The following ENTHD1 variants were observed in gnomAD, a reference collection of about 807,000 sequenced individuals.
ENTHD1 encodes the protein ENTH domain containing 1.
In ENTHD1, 23 loss-of-function variants were observed where a neutral mutation model predicts 39.1. The observed-to-expected ratio is 0.59, with a 90% CI of 0.42 to 0.83. The LOEUF (loss-of-function observed/expected upper bound fraction) is 0.83, where lower values mean the gene tolerates loss of function less well. Among genes scored for constraint, ENTHD1 ranks in the 40% least tolerant of loss-of-function variants. The probability of loss-of-function intolerance (pLI) is 0.00; values close to 1 mark genes in which losing one functional copy is unlikely to be tolerated. For synonymous variants in ENTHD1, 230 were observed against 258.2 expected (o/e 0.89, Z 1.05); for missense variants, 624 against 705.4 (o/e 0.88, Z 1.31).
intron 2 of ENTHD1, among the ~76,000 whole-genome samples, chr22:39,877,231 G>A (rs183500747): frequency 3.5e-4 from 53 of 152,240 alleles, no homozygotes; most frequent in Middle Eastern, 6.8e-3. Context: ...ATTAGTGAAG[G>A]ATTTTTAAAG....
intron 2 of ENTHD1, among the ~76,000 whole-genome samples, chr22:39,875,015 G>T (rs1054063267): frequency 6.6e-6 from 1 of 152,100 alleles, no homozygotes; most frequent in African/African-American, 2.4e-5. Context: ...AATGCATATC[G>T]CACAGGAATG....
At chr22:39,744,541 T>C (rs2065088745) in intron 6 of ENTHD1, among the ~76,000 whole-genome samples, 1 of 149,020 alleles carries the variant, frequency 6.7e-6, no homozygotes, top group Non-Finnish European at 1.5e-5. Flanking sequence ...TCTTGACTCA[T>C]CTTGACTCAA....
Position 39,835,890 on chromosome 22 carries a change from A to C in ENTHD1, c.661T>G (p.Leu221Val). 6.2e-7 allele frequency: 1 copy of C among 1,609,394 alleles called. No individual in the cohort carries two copies. ...TTGAGTGGAAGTGTTTCCTGGGACAACATAGTTTCTGTAGGCAAATGAACA... is the reference window on the plus strand; with the variant it reads ...TTGAGTGGAAGTGTTTCCTGGGACACCATAGTTTCTGTAGGCAAATGAACA... ...QDVHLPTETM[L>V]SQETLPLKIH... Residue 221 changes from leucine to valine, a missense_variant, in exon 4 of 7, where the codon TTG becomes GTG. By Grantham distance (32) the Leu-to-Val change is conservative. Transcript: ENST00000325157.
chr22:39,776,669 T>C (rs145221714), intron 5 of ENTHD1, among the ~76,000 whole-genome samples: 2 of 152,268 alleles, frequency 1.3e-5, no homozygotes, highest in African/African-American at 4.8e-5. Context: ...TGAAAATGAC[T>C]GAAGTAGGAA....
At chr22:39,823,647 C>G (rs1239173126) in intron 4 of ENTHD1, among the ~76,000 whole-genome samples, 4 of 152,138 alleles carry the variant, frequency 2.6e-5, no homozygotes, top group Non-Finnish European at 5.9e-5. Flanking sequence ...GCCACTGTAC[C>G]AGCCTAGATG....
chr22:39,758,385 T>C (rs2065202077), intron 6 of ENTHD1, among the ~76,000 whole-genome samples: 1 of 152,234 alleles, frequency 6.6e-6, no homozygotes, highest in South Asian at 2.1e-4. Flanking sequence ...TCATTAATTA[T>C]GTCAGCAGTA....
At chr22:39,792,700 T>G (rs536576302) in intron 5 of ENTHD1, among the ~76,000 whole-genome samples, 1 of 151,688 alleles carries the variant, frequency 6.6e-6, no homozygotes, top group Non-Finnish European at 1.5e-5. Flanking sequence ...CTATTGCAAT[T>G]TCCCTGTCTT....
At chr22:39,759,549 G>T (rs1360461338) in intron 6 of ENTHD1, among the ~76,000 whole-genome samples, 1 of 151,870 alleles carries the variant, frequency 6.6e-6, no homozygotes, top group Admixed American at 6.6e-5. Context: ...TTTTTAAAGA[G>T]CCACCTTTAA....
At chr22:39,804,597 C>T (rs2065626268) in intron 5 of ENTHD1, among the ~76,000 whole-genome samples, 1 of 152,020 alleles carries the variant, frequency 6.6e-6, no homozygotes, top group African/African-American at 2.4e-5. Context: ...TTCAGTTCAA[C>T]AAAAATTAAT....
intron 2 of ENTHD1, chr22:39,875,874 T>C: frequency 2.5e-6 from 4 of 1,613,974 alleles, no homozygotes; most frequent in Non-Finnish European, 2.5e-6. Flanking sequence ...TTATCACAGT[T>C]GAGGGACCCA....
intron 1 of ENTHD1, among the ~76,000 whole-genome samples, chr22:39,890,448 T>C (rs2146785603): frequency 6.6e-6 from 1 of 152,236 alleles, no homozygotes; most frequent in Non-Finnish European, 1.5e-5. Flanking sequence ...GAGCAACAAA[T>C]ATCGATCTGT....
At chr22:39,882,241 A>G (rs943403872) in intron 2 of ENTHD1, among the ~76,000 whole-genome samples, 1 of 152,230 alleles carries the variant, frequency 6.6e-6, no homozygotes, top group African/African-American at 2.4e-5. Context: ...TCAATAAAAT[A>G]TACCATAAAA....
rs780772426 is a variant in ENTHD1 at position 39,861,834 on chromosome 22, G to T, written c.523C>A (p.Pro175Thr). The T allele has an allele frequency of 4.4e-6, 7 of 1,600,846 alleles. No homozygotes were observed. Among genetic ancestry groups the T allele is most frequent in the Middle Eastern group, 1.7e-4 (1 of 6,002 alleles). Reference sequence around the variant, plus strand: ...TCTGAAGCAGAAATATCCGGTGTGGGGGCAGAAGTGCACGCTGTCAGTGAG... The same window carrying T: ...TCTGAAGCAGAAATATCCGGTGTGGTGGCAGAAGTGCACGCTGTCAGTGAG... ...SNSLTACTSA[P>T]TPDISASEKK... Residue 175 changes from proline (P) to threonine (T), a missense_variant, in exon 3 of 7, where the codon CCC becomes ACC. Physicochemically the swap from Pro to Thr is conservative, Grantham distance 38. Transcript: ENST00000325157.
At chr22:39,789,777 G>A (rs921611089) in intron 5 of ENTHD1, among the ~76,000 whole-genome samples, 1 of 152,164 alleles carries the variant, frequency 6.6e-6, no homozygotes, top group Admixed American at 6.6e-5. Context: ...GCAGTGACAA[G>A]TTTTATGGAG....
intron 1 of ENTHD1, among the ~76,000 whole-genome samples, chr22:39,890,083 G>A (rs2066414089): frequency 6.7e-6 from 1 of 149,844 alleles, no homozygotes; most frequent in East Asian, 1.9e-4. Flanking sequence ...GGGAGATAGA[G>A]TGAGACTCTG....
rs547227965 is a variant in ENTHD1 at position 39,812,555 on chromosome 22, C to T, written c.832+8438G>A. On this transcript the variant is annotated intron_variant, in intron 5 of 6. Coordinates refer to ENST00000325157, the MANE Select transcript of ENTHD1 (RefSeq NM_152512.4). ...GAAAAATGCTCGACTTAGTGGCTGT[C>T]AATAATCTTCTTTCCTAGTCATTCC... Among the ~76,000 whole-genome samples the T allele has an allele frequency of 6.8e-4, 103 of 152,278 alleles. 1 individual carries two copies. The highest frequency in any genetic ancestry group is 2.4e-3 in the African/African-American group (100 of 41,544).
rs149026419 is a variant in ENTHD1 at position 39,831,041 on chromosome 22, A to G, written c.711+4799T>C. ...CTCTGGGTACAGAAAATGTCAGAGA[A>G]AATCAGGAGCTCAACTGCTGAAGGC... is the stretch of plus-strand genomic sequence containing the variant. On this transcript the variant is annotated intron_variant, in intron 4 of 6. Transcript: ENST00000325157. Among the ~76,000 whole-genome samples, 381 of 152,336 alleles carry G rather than the reference A, an allele frequency of 2.5e-3. 1 individual carries two copies. Among genetic ancestry groups the G allele is most frequent in the Non-Finnish European group, 4.0e-3 (275 of 68,032 alleles).
At chr22:39,780,857 G>A (rs1396454125) in intron 5 of ENTHD1, among the ~76,000 whole-genome samples, 2 of 152,108 alleles carry the variant, frequency 1.3e-5, no homozygotes, top group African/African-American at 4.8e-5. Context: ...AAATTAGCCA[G>A]GCATGGTGGT....
intron 2 of ENTHD1, among the ~76,000 whole-genome samples, chr22:39,873,202 G>A (rs1043785408): frequency 2.6e-5 from 4 of 151,878 alleles, no homozygotes; most frequent in Non-Finnish European, 5.9e-5. Context: ...ATGTATGTGT[G>A]TATGTGTATA....
Sources: allele counts gnomAD v4.1 joint callset (sites outside exome capture counted in the v4.1 genomes callset), GRCh38; gene constraint gnomAD v4.1.1; transcripts MANE v1.5; gene names NCBI Gene and HGNC (gene_info 2026-07-23, HGNC 2026-07-21).